The following TUSC3 variants were observed in gnomAD, a reference collection of about 807,000 sequenced individuals.
TUSC3 encodes dolichyl-diphosphooligosaccharide--protein glycosyltransferase subunit TUSC3.
Under a neutral mutation model 44.8 loss-of-function variants are expected in TUSC3, and 45 were observed. The ratio of observed to expected loss-of-function variants is 1.00; its 90% CI spans 0.79 to 1.29. The LOEUF (loss-of-function observed/expected upper bound fraction) is 1.29. Ranked by LOEUF, TUSC3 falls within the 50% of genes most tolerant of loss-of-function variation. TUSC3 has a pLI of 0.00. For synonymous variants in TUSC3, 212 were observed against 152.9 expected, an observed-to-expected ratio of 1.39 and a Z score of -2.85; for missense variants, 519 against 437.9, an observed-to-expected ratio of 1.19 and a Z score of -1.65.
At chr8:15,815,497 G>T in the TUSC3 span, among the ~76,000 whole-genome samples, 1 of 152,102 alleles carries the variant, frequency 6.6e-6, no homozygotes, top group Non-Finnish European at 1.5e-5. Context: ...TCTCCAGTGG[G>T]CCAGGAATAG....
At chr8:15,705,302 G>T (rs1033028447) in intron 6 of TUSC3, among the ~76,000 whole-genome samples, 3 of 151,786 alleles carry the variant, frequency 2.0e-5, no homozygotes, top group Non-Finnish European at 4.4e-5. Context: ...AAATAAAAAA[G>T]ATTTACTTTG....
the TUSC3 span, among the ~76,000 whole-genome samples, chr8:15,786,526 C>G: frequency 6.6e-6 from 1 of 152,126 alleles, no homozygotes; most frequent in African/African-American, 2.4e-5. Context: ...CTCTTTTAAT[C>G]TAGAACTGAT....
chr8:15,637,757 G>C (rs765693031), intron 2 of TUSC3, among the ~76,000 whole-genome samples: 2 of 151,974 alleles, frequency 1.3e-5, no homozygotes, highest in Non-Finnish European at 2.9e-5. Context: ...CTTAATTCAA[G>C]TACCCTTTCT....
chr8:15,720,384 C>T (rs1810257672), intron 6 of TUSC3, among the ~76,000 whole-genome samples: 1 of 151,978 alleles, frequency 6.6e-6, no homozygotes, highest in Non-Finnish European at 1.5e-5. Context: ...CAGCCTCAAC[C>T]AGTAACACTC....
chr8:15,803,741 T>C, the TUSC3 span, among the ~76,000 whole-genome samples: 3 of 152,088 alleles, frequency 2.0e-5, no homozygotes, highest in African/African-American at 7.2e-5. Context: ...GCCCCAGTGG[T>C]GTTCCCCTCC....
the TUSC3 span, among the ~76,000 whole-genome samples, chr8:15,832,817 C>A: frequency 1.3e-5 from 2 of 152,076 alleles, no homozygotes; most frequent in African/African-American, 4.8e-5. Context: ...GACTTTTACT[C>A]CCACACAATA....
chr8:15,763,564 A>G (rs904989829), intron 10 of TUSC3, among the ~76,000 whole-genome samples: 2 of 152,106 alleles, frequency 1.3e-5, no homozygotes, highest in Admixed American at 1.3e-4. Context: ...AGATGTAAAC[A>G]AAAGCTTCAT....
intron 2 of TUSC3, among the ~76,000 whole-genome samples, chr8:15,641,913 G>A (rs1243778223): frequency 1.3e-5 from 2 of 152,170 alleles, no homozygotes; most frequent in Non-Finnish European, 2.9e-5. Context: ...GAAACTTTTG[G>A]AAGTGATGGA....
At chr8:15,620,351 A>ATT (rs560738837) in intron 1 of TUSC3, among the ~76,000 whole-genome samples, 11 of 152,114 alleles carry the variant, frequency 7.2e-5, no homozygotes, top group Non-Finnish European at 1.5e-4. Flanking sequence ...TGTTTAAAAG[A>ATT]TTTTTTCCAG....
At chr8:15,617,401 G>T (rs1805044773) in intron 1 of TUSC3, among the ~76,000 whole-genome samples, 1 of 151,964 alleles carries the variant, frequency 6.6e-6, no homozygotes, top group Admixed American at 6.6e-5. Flanking sequence ...GCTTCCCAAA[G>T]TGCTAGGATT....
At chr8:15,739,819 C>G (rs965762297) in intron 7 of TUSC3, among the ~76,000 whole-genome samples, 1 of 152,186 alleles carries the variant, frequency 6.6e-6, no homozygotes, top group African/African-American at 2.4e-5. Flanking sequence ...CTGATATCAT[C>G]TTACTTCATT....
At position 15,763,539 on chromosome 8, in the gene TUSC3, T is replaced by TTAGC. The variant is rs1812237933; in HGVS notation, c.*47-663_*47-660dup. Reference sequence around the variant, plus strand: ...AGACTCAAAAAGAACATGCCACGTGTTAGCAGAAAGGTACAGATGTAAACA... The same window carrying TTAGC: ...AGACTCAAAAAGAACATGCCACGTGTTAGCTAGCAGAAAGGTACAGATGTAAACA... On this transcript the variant is annotated intron_variant, in intron 10 of 10. Coordinates refer to ENST00000503731, the MANE Select transcript of TUSC3 (RefSeq NM_006765.4). Among the ~76,000 whole-genome samples, 4 of 152,084 alleles carry TTAGC rather than the reference T, an allele frequency of 2.6e-5. No individual in the cohort carries two copies. The South Asian group carries it at 8.3e-4, about 31-fold the overall frequency.
chr8:15,815,392 T>C, the TUSC3 span, among the ~76,000 whole-genome samples: 2 of 152,100 alleles, frequency 1.3e-5, no homozygotes, highest in South Asian at 2.1e-4. Context: ...TAATAAGTGA[T>C]ATTTAGTCTT....
intron 1 of TUSC3, among the ~76,000 whole-genome samples, chr8:15,469,204 C>G (rs915919171): frequency 1.3e-5 from 2 of 152,180 alleles, no homozygotes; most frequent in Non-Finnish European, 2.9e-5. Flanking sequence ...GTGAAAGACA[C>G]TGTCTAGAGA....
intron 2 of TUSC3, among the ~76,000 whole-genome samples, chr8:15,488,467 A>G (rs1402064592): frequency 6.6e-6 from 1 of 152,106 alleles, no homozygotes; most frequent in Non-Finnish European, 1.5e-5. Context: ...GCACCACTGC[A>G]CTCCAGCCTG....
chr8:15,436,880 T>C (rs895106847), intron 1 of TUSC3, among the ~76,000 whole-genome samples: 2 of 152,178 alleles, frequency 1.3e-5, no homozygotes, highest in African/African-American at 4.8e-5. Context: ...TTTTGACTTT[T>C]AGGGCAGTGC....
chr8:15,650,759 A>T lies in TUSC3; in HGVS notation c.371A>T (p.Asn124Ile). The change falls in exon 3 of 11, where the codon AAC (asparagine) becomes ATC (isoleucine). Residue 124 changes from asparagine (N) to isoleucine (I), a missense_variant. By Grantham distance (149) the Asn-to-Ile change is moderately radical. Transcript: ENST00000503731. Reference sequence around the variant, plus strand: ...TGGCGCTATTCATCTGCTTTTTGTAACAAGCTCTTCTTCAGTATGGTGGAC... The same window carrying T: ...TGGCGCTATTCATCTGCTTTTTGTATCAAGCTCTTCTTCAGTATGGTGGAC... ...NSWRYSSAFC[N>I]KLFFSMVDYD... 6.2e-7 allele frequency: 1 copy of T among 1,614,200 alleles called. No homozygotes were observed. The highest frequency in any genetic ancestry group is 8.5e-7 in the Non-Finnish European group (1 of 1,180,038).
intron 1 of TUSC3, among the ~76,000 whole-genome samples, chr8:15,455,910 A>G (rs1800251007): frequency 6.6e-6 from 1 of 152,312 alleles, no homozygotes; most frequent in South Asian, 2.1e-4. Context: ...TTCCCCATTT[A>G]TTCCTGCAGA....
At chr8:15,710,307 T>C (rs1271068158) in intron 6 of TUSC3, among the ~76,000 whole-genome samples, 1 of 151,932 alleles carries the variant, frequency 6.6e-6, no homozygotes, top group Non-Finnish European at 1.5e-5. Context: ...TATATAGTTA[T>C]TTAAACTGGA....
Sources: allele counts gnomAD v4.1 joint callset (sites outside exome capture counted in the v4.1 genomes callset), GRCh38; gene constraint gnomAD v4.1.1; transcripts MANE v1.5; gene names NCBI Gene and HGNC (gene_info 2026-07-23, HGNC 2026-07-21).